The following ANKRD44 variants were observed in gnomAD, a reference collection of about 807,000 sequenced individuals.
ANKRD44 encodes ankyrin repeat domain 44.
Under a neutral mutation model 116.0 loss-of-function variants are expected in ANKRD44, and 35 were observed. The observed-to-expected ratio is 0.30, with a 90% CI of 0.23 to 0.40. ANKRD44 has a LOEUF of 0.40. ANKRD44 is among the 10% of genes least tolerant of loss of function. The pLI, the probability that ANKRD44 is intolerant of heterozygous loss-of-function variation, is 1.00. For synonymous variants in ANKRD44, 435 were observed against 461.8 expected (o/e 0.94, Z 0.74); for missense variants, 1,014 against 1,242.6 (o/e 0.82, Z 2.77).
At chr2:197,102,134 C>A (rs1170176416) in intron 9 of ANKRD44, among the ~76,000 whole-genome samples, 1 of 152,066 alleles carries the variant, frequency 6.6e-6, no homozygotes, top group Non-Finnish European at 1.5e-5. Context: ...CTAAAGATGA[C>A]TTCTTGGAGA....
rs757965158 is a variant in ANKRD44 at position 197,089,946 on chromosome 2, T to C, written c.1183+4A>G. 4 of 1,613,270 alleles carry C rather than the reference T, an allele frequency of 2.5e-6. No homozygotes were observed. Among genetic ancestry groups the C allele is most frequent in the Non-Finnish European group, 3.4e-6 (4 of 1,179,274 alleles). ...GCCTCATCTCTGCTAACAGATTTAC[T>C]TACCCGATGATAACAACTTTCTGCA... On this transcript the variant is annotated splice_donor_region_variant and intron_variant, in intron 11 of 27. Coordinates refer to ENST00000282272, the MANE Select transcript of ANKRD44 (RefSeq NM_001195144.2).
At chr2:197,265,223 A>AC (rs2082709847) in intron 1 of ANKRD44, among the ~76,000 whole-genome samples, 1 of 137,230 alleles carries the variant, frequency 7.3e-6, no homozygotes, top group Non-Finnish European at 1.5e-5. Flanking sequence ...AAGTAACAGC[A>AC]CTTTTTTTCT....
chr2:197,131,348 C>G (rs2079091485), intron 4 of ANKRD44, among the ~76,000 whole-genome samples: 1 of 151,800 alleles, frequency 6.6e-6, no homozygotes, highest in African/African-American at 2.4e-5. Flanking sequence ...CCCGCTACCA[C>G]GCCCGGCTAA....
At chr2:197,142,025 T>C (rs900570268) in intron 3 of ANKRD44, among the ~76,000 whole-genome samples, 1 of 152,236 alleles carries the variant, frequency 6.6e-6, no homozygotes, top group African/African-American at 2.4e-5. Flanking sequence ...AATGCTTTTG[T>C]ACCCAAGGAC....
chr2:197,012,165 T>C (rs1030180721), intron 18 of ANKRD44, among the ~76,000 whole-genome samples: 6 of 152,180 alleles, frequency 3.9e-5, no homozygotes, highest in Non-Finnish European at 8.8e-5. Context: ...TTGTGAACAG[T>C]CCAGTGACAG....
intron 9 of ANKRD44, among the ~76,000 whole-genome samples, chr2:197,100,510 A>C (rs1209977638): frequency 6.6e-6 from 1 of 152,260 alleles, no homozygotes; most frequent in Non-Finnish European, 1.5e-5. Flanking sequence ...TTAAGAATCC[A>C]AAATCTCACA....
chr2:197,077,801 C>T lies in ANKRD44; in HGVS notation c.1650+902G>A, dbSNP rs564348413. The T allele has an allele frequency of 2.6e-5, 4 of 152,264 alleles. No individual in the cohort carries two copies. In the East Asian group the frequency reaches 7.7e-4, roughly 29 times the overall value. 9.4% of individuals were successfully genotyped at this position (152,264 alleles called of 1,614,324 possible). On this transcript the variant is annotated intron_variant, in intron 16 of 27. Coordinates refer to ENST00000282272, the MANE Select transcript of ANKRD44 (RefSeq NM_001195144.2). ...TGTAAATTAAGATCAATTAACACCTCCTCCTAACCGTTTTTGAATGTTTTA... is the reference window on the plus strand; with the variant it reads ...TGTAAATTAAGATCAATTAACACCTTCTCCTAACCGTTTTTGAATGTTTTA...
chr2:197,107,507 A>C (rs1272012040), intron 9 of ANKRD44, among the ~76,000 whole-genome samples: 1 of 151,496 alleles, frequency 6.6e-6, no homozygotes, highest in Non-Finnish European at 1.5e-5. Context: ...CTAACTAAAA[A>C]AGAGTGGGGT....
At chr2:197,066,808 T>C (rs1414722637) in intron 16 of ANKRD44, among the ~76,000 whole-genome samples, 3 of 152,070 alleles carry the variant, frequency 2.0e-5, no homozygotes, top group African/African-American at 7.2e-5. Context: ...GGAAGAACAT[T>C]CCATGCTCAT....
At chr2:196,977,529 G>T (rs1187470639) in intron 21 of ANKRD44, among the ~76,000 whole-genome samples, 2 of 152,138 alleles carry the variant, frequency 1.3e-5, no homozygotes, top group Non-Finnish European at 2.9e-5. Flanking sequence ...TTTAAAAATG[G>T]GCAAAGGATT....
intron 9 of ANKRD44, among the ~76,000 whole-genome samples, chr2:197,100,533 C>T (rs143156705): frequency 6.6e-6 from 1 of 152,220 alleles, no homozygotes; most frequent in East Asian, 1.9e-4. Flanking sequence ...TAAATGCCTG[C>T]TCTGAATGAA....
chr2:197,279,507 C>T (rs935989063), intron 1 of ANKRD44, among the ~76,000 whole-genome samples: 1 of 152,126 alleles, frequency 6.6e-6, no homozygotes, highest in Non-Finnish European at 1.5e-5. Context: ...CACAAACTGG[C>T]ACTGTCCATT....
chr2:197,283,390 G>C (rs1273215874), intron 1 of ANKRD44, among the ~76,000 whole-genome samples: 1 of 152,156 alleles, frequency 6.6e-6, no homozygotes, highest in Non-Finnish European at 1.5e-5. Context: ...TCTCTCGGCA[G>C]AGCCCCTGGA....
intron 1 of ANKRD44, among the ~76,000 whole-genome samples, chr2:197,310,303 C>A (rs547963491): frequency 2.0e-5 from 3 of 148,326 alleles, no homozygotes; most frequent in Non-Finnish European, 4.5e-5. Context: ...CCCGCCGGGC[C>A]CGCGGCCGCC....
chr2:197,136,677 C>T lies in ANKRD44; in HGVS notation c.191-15G>A, dbSNP rs1423354622. ...TACACGAGCTCCTGGAATCAAACAG[C>T]ACAAGTTAGAGGCATAATGGGGTCA... is the stretch of plus-strand genomic sequence containing the variant. On this transcript the variant is annotated splice_polypyrimidine_tract_variant and intron_variant, in intron 3 of 27. Coordinates refer to ENST00000282272, the MANE Select transcript of ANKRD44 (RefSeq NM_001195144.2). The T allele has an allele frequency of 6.2e-7, 1 of 1,613,646 alleles. No individual in the cohort carries two copies.
At chr2:197,161,317 C>G (rs886363048) in intron 2 of ANKRD44, among the ~76,000 whole-genome samples, 3 of 152,104 alleles carry the variant, frequency 2.0e-5, no homozygotes, top group African/African-American at 7.2e-5. Flanking sequence ...AGCAAAAAAA[C>G]GGTCACTAGG....
intron 2 of ANKRD44, among the ~76,000 whole-genome samples, chr2:197,155,900 T>A (rs1425533378): frequency 6.6e-6 from 1 of 152,172 alleles, no homozygotes; most frequent in Non-Finnish European, 1.5e-5. Context: ...GGGAACATAT[T>A]TGTAAAGCAT....
intron 8 of ANKRD44, among the ~76,000 whole-genome samples, chr2:197,120,192 C>T (rs1241749178): frequency 6.6e-6 from 1 of 152,214 alleles, no homozygotes; most frequent in African/African-American, 2.4e-5. Context: ...CTCCCTACTA[C>T]ACTGTAAGTT....
At chr2:196,970,128 C>T (rs1056631167) in intron 21 of ANKRD44, among the ~76,000 whole-genome samples, 3 of 152,144 alleles carry the variant, frequency 2.0e-5, no homozygotes, top group South Asian at 2.1e-4. Flanking sequence ...GGTTAAAGCC[C>T]GTTTACTCTC....
Sources: gnomAD v4.1 joint callset for allele counts (sites outside exome capture counted in the v4.1 genomes callset) on GRCh38, gnomAD v4.1.1 for gene constraint, MANE v1.5 for transcripts, NCBI Gene and HGNC (gene_info 2026-07-23, HGNC 2026-07-21) for gene names.